The following POGLUT3 variants were observed in gnomAD, a reference collection of about 807,000 sequenced individuals.
POGLUT3 encodes KDEL (Lys-Asp-Glu-Leu) containing 2.
A neutral mutation model predicts 54.3 loss-of-function variants in POGLUT3; 48 were observed. The observed-to-expected ratio is 0.88, with a 90% CI of 0.70 to 1.12. The LOEUF is 1.12. Ranked by LOEUF, POGLUT3 falls within the 50% of genes most tolerant of loss-of-function variation. The pLI, the probability that POGLUT3 is intolerant of heterozygous loss-of-function variation, is 0.00. For synonymous variants in POGLUT3, 218 were observed against 237.4 expected, an observed-to-expected ratio of 0.92 and a Z score of 0.75; for missense variants, 629 against 618.7, an observed-to-expected ratio of 1.02 and a Z score of -0.18.
intron 1 of POGLUT3, among the ~76,000 whole-genome samples, chr11:108,491,986 C>T (rs1031212041): frequency 4.6e-5 from 7 of 151,904 alleles, no homozygotes; most frequent in African/African-American, 7.3e-5. Context: ...AAAATTTCCC[C>T]GTTTATTAAG....
chr11:108,488,647 A>C (rs982833975), intron 2 of POGLUT3, among the ~76,000 whole-genome samples: 1 of 152,240 alleles, frequency 6.6e-6, no homozygotes, highest in Non-Finnish European at 1.5e-5. Context: ...TGATCAGTGC[A>C]TTTTGGATGG....
chr11:108,489,074 GA>G lies in POGLUT3; in HGVS notation c.400+1895del, dbSNP rs577491604. Among the ~76,000 whole-genome samples, 568 of 152,120 alleles carry G rather than the reference GA, an allele frequency of 3.7e-3. 5 individuals carry two copies. The highest frequency in any genetic ancestry group is 4.9e-3 in the Non-Finnish European group (330 of 67,992). ...ACCCCAGAAAAGAGCTCAAGAAGATGAAAAAGCATCAAGAGGTGAAAACTAC... is the reference window on the plus strand; with the variant it reads ...ACCCCAGAAAAGAGCTCAAGAAGATGAAAAGCATCAAGAGGTGAAAACTAC... On this transcript the variant is annotated intron_variant, in intron 2 of 7. Coordinates refer to ENST00000323468, the MANE Select transcript of POGLUT3 (RefSeq NM_153705.5).
chr11:108,478,340 G>T (rs934680364), intron 6 of POGLUT3, among the ~76,000 whole-genome samples: 1 of 151,946 alleles, frequency 6.6e-6, no homozygotes, highest in African/African-American at 2.4e-5. Flanking sequence ...AGCCCCTATT[G>T]TGACCATCTT....
rs1158437580 is a variant in POGLUT3 at position 108,473,797 on chromosome 11, T to C, written c.*1030A>G. On this transcript the variant is annotated 3_prime_UTR_variant, in exon 8 of 8. Coordinates refer to ENST00000323468, the MANE Select transcript of POGLUT3 (RefSeq NM_153705.5). ...ATCTATGTTAATAACTGTATTGTCT[T>C]TGATGGGTATACAACTCAGATAGAT... is the stretch of plus-strand genomic sequence containing the variant. The C allele has an allele frequency of 6.6e-6, 1 of 152,228 alleles. No homozygotes were observed. The highest frequency in any genetic ancestry group is 1.9e-4 in the East Asian group (1 of 5,206). The allele number at this position is 152,228 out of a possible 1,614,324, so 9.4% of individuals were successfully genotyped here. A position where few individuals can be genotyped will look rare whatever the true frequency, so the allele number is the denominator to read the frequency against.
At chr11:108,485,145 GA>G (rs34193498) in intron 3 of POGLUT3, among the ~76,000 whole-genome samples, 3 of 146,930 alleles carry the variant, frequency 2.0e-5, no homozygotes, top group East Asian at 2.0e-4. Flanking sequence ...ATGCACTGGT[GA>G]AAAAAAAAAC....
chr11:108,477,630 AG>A lies in POGLUT3; in HGVS notation c.1374del (p.Cys459AlafsTer68), dbSNP rs763032295. 6.2e-7 allele frequency: 1 copy of A among 1,611,282 alleles called. No homozygotes were observed. Among genetic ancestry groups the A allele is most frequent in the Non-Finnish European group, 8.5e-7 (1 of 1,177,432 alleles). On this transcript the variant is annotated frameshift_variant, in exon 7 of 8. Transcript: ENST00000323468. LOFTEE classifies it high-confidence loss of function. Reference protein sequence around the residue: ...ARDLLQPHRLYCYYYQVLQKY... With the variant: ...ARDLLQPHRLXCYYYQVLQKY... ...ACCTGCAGTACTTGGTAATAGTAGC[AG>A]TAAAGCCTGTGTGGCTGTAGTAGGT... is the stretch of plus-strand genomic sequence containing the variant.
intron 3 of POGLUT3, among the ~76,000 whole-genome samples, chr11:108,483,577 C>G (rs979365126): frequency 5.3e-5 from 8 of 152,152 alleles, no homozygotes; most frequent in Non-Finnish European, 1.0e-4. Flanking sequence ...TCTCACTTAT[C>G]TTAGATTTAT....
Position 108,498,383 on chromosome 11 carries a change from C to A in POGLUT3, c.-17G>T. 3 of 1,278,934 alleles carry A rather than the reference C, an allele frequency of 2.3e-6. No homozygotes were observed. The highest frequency in any genetic ancestry group is 3.0e-6 in the Non-Finnish European group (3 of 1,015,102). 79.2% of individuals were successfully genotyped at this position (1,278,934 alleles called of 1,614,324 possible). On this transcript the variant is annotated 5_prime_UTR_variant, in exon 1 of 8. Transcript: ENST00000323468. ...GCGGCGCATGGTCGGCGGGGCACAA[C>A]TGCGGTCCAGCTCCGCGGCGGCGAG... is the stretch of plus-strand genomic sequence containing the variant.
At chr11:108,484,329 C>T (rs919664406) in intron 3 of POGLUT3, among the ~76,000 whole-genome samples, 6 of 152,166 alleles carry the variant, frequency 3.9e-5, no homozygotes, top group Non-Finnish European at 7.3e-5. Context: ...AGCAGATGCC[C>T]ATCACATGCT....
At position 108,496,273 on chromosome 11, in the gene POGLUT3, C is replaced by G. The variant is rs142043003; in HGVS notation, c.202+1892G>C. Among the ~76,000 whole-genome samples the G allele has an allele frequency of 2.4e-4, 37 of 151,500 alleles. 1 individual carries two copies. Among genetic ancestry groups the G allele is most frequent in the Admixed American group, 1.3e-3 (20 of 15,196 alleles). ...GAATTTGAGGCTGCAGTAGCTATGACTGTACCACTGCACTGCATCCTGGGT... is the reference window on the plus strand; with the variant it reads ...GAATTTGAGGCTGCAGTAGCTATGAGTGTACCACTGCACTGCATCCTGGGT... On this transcript the variant is annotated intron_variant, in intron 1 of 7. Coordinates refer to ENST00000323468, the MANE Select transcript of POGLUT3 (RefSeq NM_153705.5).
intron 7 of POGLUT3, among the ~76,000 whole-genome samples, chr11:108,475,476 T>G (rs1285331433): frequency 6.8e-6 from 1 of 147,564 alleles, no homozygotes; most frequent in Non-Finnish European, 1.5e-5. Context: ...TTTGTTTTTT[T>G]TTTTTTTTGA....
chr11:108,484,515 C>T lies in POGLUT3; in HGVS notation c.684+1642G>A, dbSNP rs377140777. Among the ~76,000 whole-genome samples the T allele has an allele frequency of 3.1e-3, 477 of 152,272 alleles. 1 individual carries two copies. Among genetic ancestry groups the T allele is most frequent in the African/African-American group, 0.011 (460 of 41,572 alleles). On this transcript the variant is annotated intron_variant, in intron 3 of 7. Transcript: ENST00000323468. ...CAGGCGCAGTGGCTCATGCTGAGCACTTTGGGAGGCCAAGGCGGGCAGATT... is the reference window on the plus strand; with the variant it reads ...CAGGCGCAGTGGCTCATGCTGAGCATTTTGGGAGGCCAAGGCGGGCAGATT...
intron 2 of POGLUT3, among the ~76,000 whole-genome samples, chr11:108,490,736 T>C (rs1321443077): frequency 6.6e-6 from 1 of 152,260 alleles, no homozygotes; most frequent in Non-Finnish European, 1.5e-5. Context: ...CACAAAGGAA[T>C]GAAGAGTTTC....
chr11:108,488,051 T>C (rs1481577545), intron 2 of POGLUT3, among the ~76,000 whole-genome samples: 1 of 151,834 alleles, frequency 6.6e-6, no homozygotes, highest in Non-Finnish European at 1.5e-5. Context: ...TGAGATGGAG[T>C]CTCACTGTGT....
At chr11:108,475,473 T>TTTG (rs2093579849) in intron 7 of POGLUT3, among the ~76,000 whole-genome samples, 1 of 146,342 alleles carries the variant, frequency 6.8e-6, no homozygotes, top group Non-Finnish European at 1.5e-5. Context: ...GTTTTTGTTT[T>TTTG]TTTTTTTTTT....
At chr11:108,495,979 G>A (rs1056896627) in intron 1 of POGLUT3, among the ~76,000 whole-genome samples, 5 of 151,916 alleles carry the variant, frequency 3.3e-5, no homozygotes, top group African/African-American at 9.7e-5. Flanking sequence ...AAACTTTTTC[G>A]TTTGTTTAAA....
chr11:108,473,768 C>T lies in POGLUT3; in HGVS notation c.*1059G>A, dbSNP rs2093574760. The T allele has an allele frequency of 6.6e-6, 1 of 152,106 alleles. No homozygotes were observed. Among genetic ancestry groups the T allele is most frequent in the South Asian group, 2.1e-4 (1 of 4,826 alleles). The allele number at this position is 152,106 out of a possible 1,614,324, so 9.4% of individuals were successfully genotyped here. On this transcript the variant is annotated 3_prime_UTR_variant, in exon 8 of 8. Transcript: ENST00000323468. ...ATAATGAATGATGCCTATAGCATAC[C>T]TTCATCTATGTTAATAACTGTATTG...
chr11:108,477,701 T>A lies in POGLUT3; in HGVS notation c.1304A>T (p.Glu435Val), dbSNP rs936337441. 6.2e-7 allele frequency: 1 copy of A among 1,607,024 alleles called. No individual in the cohort carries two copies. Among genetic ancestry groups the A allele is most frequent in the Non-Finnish European group, 8.5e-7 (1 of 1,174,328 alleles). Residue 435 changes from glutamate (E) to valine (V), a missense_variant, in exon 7 of 8, where the codon GAA becomes GTA. Transcript: ENST00000323468. ...TTCTTTTGCAATCTTCTTGGCTTCTTCATCATTTTCCTGAAAGGTTAAAAA... is the reference window on the plus strand; with the variant it reads ...TTCTTTTGCAATCTTCTTGGCTTCTACATCATTTTCCTGAAAGGTTAAAAA... ...EKVKWAKENDEEAKKIAKEGQ... is the reference protein window; with the variant it reads ...EKVKWAKENDVEAKKIAKEGQ...
chr11:108,473,802 G>A lies in POGLUT3; in HGVS notation c.*1025C>T, dbSNP rs1047311796. ...TGTTAATAACTGTATTGTCTTTGAT[G>A]GGTATACAACTCAGATAGATTTGGA... On this transcript the variant is annotated 3_prime_UTR_variant, in exon 8 of 8. Transcript: ENST00000323468. 4 of 152,098 alleles carry A rather than the reference G, an allele frequency of 2.6e-5. No individual in the cohort carries two copies. Among genetic ancestry groups the A allele is most frequent in the African/African-American group, 9.7e-5 (4 of 41,416 alleles). The allele number at this position is 152,098 out of a possible 1,614,324, so 9.4% of individuals were successfully genotyped here.
Sources: allele counts gnomAD v4.1 joint callset (sites outside exome capture counted in the v4.1 genomes callset), GRCh38; gene constraint gnomAD v4.1.1; transcripts MANE v1.5; gene names NCBI Gene and HGNC (gene_info 2026-07-23, HGNC 2026-07-21).